The following NKAIN1 variants were observed in gnomAD, a reference collection of about 807,000 sequenced individuals.
The protein encoded by NKAIN1 is sodium/potassium transporting ATPase interacting 1.
A neutral mutation model predicts 31.6 loss-of-function variants in NKAIN1; 13 were observed. The observed-to-expected ratio is 0.41, with a 90% CI of 0.27 to 0.65. NKAIN1 has a LOEUF of 0.65. Among genes scored for constraint, NKAIN1 ranks in the 30% least tolerant of loss-of-function variants. The probability of loss-of-function intolerance (pLI) is 0.30; values close to 1 mark genes in which losing one functional copy is unlikely to be tolerated. For missense variants in NKAIN1, 193 were observed against 262.2 expected (o/e 0.74, Z 1.82); for synonymous variants, 104 against 109.0 (o/e 0.95, Z 0.28).
chr1:31,182,441 C>G (rs1645210122), intron 5 of NKAIN1, 89 bp downstream of exon 5: 2 of 1,480,012 alleles, frequency 1.4e-6, no homozygotes, highest in Non-Finnish European at 1.9e-6. Flanking sequence ...CCCTGGGCTC[C>G]CTCCCGCCGG....
chr1:31,192,957 G>A (rs1191630512), intron 1 of NKAIN1, among the ~76,000 whole-genome samples: 1 of 151,654 alleles, frequency 6.6e-6, no homozygotes, highest in African/African-American at 2.4e-5. Flanking sequence ...CTTGAGGCCA[G>A]GAGTTTGGGA....
chr1:31,198,849 C>T (rs541531004), intron 1 of NKAIN1, among the ~76,000 whole-genome samples: 162 of 152,082 alleles, frequency 1.1e-3, no homozygotes, highest in African/African-American at 3.7e-3. Context: ...TCTGTCTAGA[C>T]GCCAACCCCA....
chr1:31,185,133 G>A (rs1357177255), intron 3 of NKAIN1, 114 bp downstream of exon 3: 4 of 791,864 alleles, frequency 5.1e-6, no homozygotes, highest in East Asian at 5.4e-5. Context: ...GGCATGTAAG[G>A]AGAGAGAGAC....
intron 4 of NKAIN1, among the ~76,000 whole-genome samples, chr1:31,183,436 CTTTTTTTTTTTTTTTTTT>C (rs3046278): frequency 1.7e-3 from 184 of 106,676 alleles, no homozygotes; most frequent in Middle Eastern, 4.5e-3. Flanking sequence ...TTCATTCCCT[CTTTTTTTTTTTTTTTTTT>C]TTTTTTTTTT....
chr1:31,208,554 G>C (rs1226896522), intron 1 of NKAIN1, among the ~76,000 whole-genome samples: 1 of 152,052 alleles, frequency 6.6e-6, no homozygotes, highest in Non-Finnish European at 1.5e-5. Flanking sequence ...CCTGGGGGTG[G>C]GGATCCCAGA....
intron 1 of NKAIN1, among the ~76,000 whole-genome samples, chr1:31,192,898 A>G (rs1385039835): frequency 6.6e-6 from 1 of 150,544 alleles, no homozygotes; most frequent in Non-Finnish European, 1.5e-5. Flanking sequence ...GGGTATAGTC[A>G]CTCATGCCTG....
intron 1 of NKAIN1, among the ~76,000 whole-genome samples, chr1:31,204,197 C>G (rs1645406065): frequency 6.6e-6 from 1 of 152,116 alleles, no homozygotes; most frequent in South Asian, 2.1e-4. Context: ...GTGGCTGGAC[C>G]TTGGACCCAG....
chr1:31,182,120 G>T (rs572771598), intron 5 of NKAIN1, among the ~76,000 whole-genome samples, 179 bp from the exon 6 acceptor site: 73 of 152,144 alleles, frequency 4.8e-4, no homozygotes, highest in African/African-American at 1.7e-3. Context: ...GCGGGGCTTC[G>T]GCTGGACCCT....
chr1:31,228,276 C>T (rs533476766), intron 1 of NKAIN1, among the ~76,000 whole-genome samples: 3 of 152,258 alleles, frequency 2.0e-5, no homozygotes, highest in African/African-American at 7.2e-5. Flanking sequence ...GCTTAGGAAC[C>T]AATCCTTATC....
intron 4 of NKAIN1, among the ~76,000 whole-genome samples, chr1:31,183,436 CTTTTTTTTTTTTTTTTT>C (rs3046278): frequency 0.67 from 72,038 of 108,092 alleles, 23,269 homozygotes; most frequent in Middle Eastern, 0.83. Context: ...TTCATTCCCT[CTTTTTTTTTTTTTTTTT>C]TTTTTTTTTT....
At chr1:31,219,349 C>G (rs1645544053) in intron 1 of NKAIN1, among the ~76,000 whole-genome samples, 1 of 152,268 alleles carries the variant, frequency 6.6e-6, no homozygotes, top group South Asian at 2.1e-4. Flanking sequence ...CCCCTCCTTC[C>G]AAGCAGCTGG....
intron 1 of NKAIN1, among the ~76,000 whole-genome samples, chr1:31,228,082 C>T (rs1204245554): frequency 6.6e-6 from 1 of 152,180 alleles, no homozygotes; most frequent in Non-Finnish European, 1.5e-5. Context: ...ATCCTGGCAT[C>T]ATTAGGGAGC....
rs1402795700 is a variant in NKAIN1 at position 31,181,945 on chromosome 1, C to G, written c.533-4G>C. On this transcript the variant is annotated splice_region_variant and splice_polypyrimidine_tract_variant and intron_variant, in intron 5 of 6. Coordinates refer to ENST00000373736, the MANE Select transcript of NKAIN1 (RefSeq NM_024522.3). ...TCAAAGCCGCCGATGAAGTCAACTG[C>G]GGAAGAGGGGCGGCGCATGTTAGGG... The G allele has an allele frequency of 6.2e-7, 1 of 1,605,144 alleles. No individual in the cohort carries two copies. The highest frequency in any genetic ancestry group is 1.1e-5 in the South Asian group (1 of 89,314).
intron 1 of NKAIN1, among the ~76,000 whole-genome samples, chr1:31,198,759 C>T (rs974187316): frequency 4.0e-5 from 6 of 150,716 alleles, no homozygotes; most frequent in Non-Finnish European, 8.9e-5. Flanking sequence ...AGGTAGCTGC[C>T]AGCTGAAGGG....
intron 1 of NKAIN1, among the ~76,000 whole-genome samples, chr1:31,189,359 C>G (rs146472799): frequency 8.8e-4 from 134 of 152,280 alleles, no homozygotes; most frequent in African/African-American, 3.0e-3. Flanking sequence ...CTCTGTCGCC[C>G]AGGCTGTAGT....
At chr1:31,218,523 G>A (rs1344801941) in intron 1 of NKAIN1, among the ~76,000 whole-genome samples, 3 of 152,126 alleles carry the variant, frequency 2.0e-5, no homozygotes. Context: ...GGGAGGCTGG[G>A]CAACTTGCCT....
intron 1 of NKAIN1, among the ~76,000 whole-genome samples, chr1:31,221,529 G>A (rs549418294): frequency 9.2e-5 from 14 of 152,170 alleles, no homozygotes; most frequent in Admixed American, 4.6e-4. Flanking sequence ...TCCGCCTCCC[G>A]GGTTCAAGCG....
intron 1 of NKAIN1, among the ~76,000 whole-genome samples, chr1:31,230,971 C>A (rs970413463): frequency 3.2e-4 from 48 of 149,958 alleles, no homozygotes; most frequent in African/African-American, 1.1e-3. Flanking sequence ...CAACCTCCGC[C>A]TCCCAGGTTC....
At chr1:31,203,712 G>A (rs890286838) in intron 1 of NKAIN1, among the ~76,000 whole-genome samples, 2 of 151,528 alleles carry the variant, frequency 1.3e-5, no homozygotes, top group Admixed American at 1.3e-4. Flanking sequence ...AGCCTCCTGA[G>A]TAGCTGGGAT....
Sources: gnomAD v4.1 joint callset for allele counts (sites outside exome capture counted in the v4.1 genomes callset) on GRCh38, gnomAD v4.1.1 for gene constraint, MANE v1.5 for transcripts, NCBI Gene and HGNC (gene_info 2026-07-23, HGNC 2026-07-21) for gene names.